Variants in SHLD1 observed in about 807,000 individuals in gnomAD.
SHLD1 encodes the protein RINN1-REV7-interacting novel NHEJ regulator 3.
In SHLD1, 3 loss-of-function variants were observed where a neutral mutation model predicts 5.5. The ratio of observed to expected loss-of-function variants is 0.54; its 90% confidence interval spans 0.25 to 1.40. The LOEUF (loss-of-function observed/expected upper bound fraction) is 1.40. Among genes scored for constraint, SHLD1 ranks in the 40% most tolerant of loss-of-function variants. The pLI is 0.15. For synonymous variants in SHLD1, 92 were observed against 94.3 expected (o/e 0.98, Z 0.14); for missense variants, 210 against 244.4 (o/e 0.86, Z 0.94).
At chr20:5,856,502 A>G (rs550613744) in intron 2 of SHLD1, among the ~76,000 whole-genome samples, 1 of 149,702 alleles carries the variant, frequency 6.7e-6, no homozygotes, top group East Asian at 1.9e-4. Flanking sequence ...GAAAAAAGTG[A>G]GGCGTGGAGC....
rs545881580 is a variant in SHLD1 at position 5,754,577 on chromosome 20, C to T, written c.-5+4098C>T. ...CCGAGCCAAATATGAGTGACCATGG[C>T]CCGTAACACAGCATCAGGAGGTCCT... On this transcript the variant is annotated intron_variant, in intron 1 of 2. Transcript: ENST00000303142. 8.9e-4 allele frequency among the ~76,000 whole-genome samples: 136 copies of T among 152,224 alleles called. 2 individuals are homozygous for T. Among genetic ancestry groups the T allele is most frequent in the Admixed American group, 1.6e-3 (24 of 15,276 alleles).
rs202116453 is a variant in SHLD1 at position 5,764,211 on chromosome 20, G to T, written c.-4-8651G>T. On this transcript the variant is annotated intron_variant, in intron 1 of 2. Transcript: ENST00000303142. ...ATATATTTTATATATATATATATTT[G>T]TGTGTGTGTATATATATATATATAT... 4.4e-3 allele frequency among the ~76,000 whole-genome samples: 106 copies of T among 24,346 alleles called. 1 individual carries two copies. The highest frequency in any genetic ancestry group is 0.015 in the African/African-American group (84 of 5,602). The allele number at this position is 24,346 out of a possible 152,430, so 16.0% of individuals were successfully genotyped here. A position where few individuals can be genotyped will look rare whatever the true frequency, so the allele number is the denominator to read the frequency against.
intron 2 of SHLD1, among the ~76,000 whole-genome samples, chr20:5,798,708 C>T (rs2087248376): frequency 6.6e-6 from 1 of 151,926 alleles, no homozygotes; most frequent in Admixed American, 6.6e-5. Flanking sequence ...AGCTCCGCCT[C>T]CCAGGTTCAC....
At chr20:5,767,067 A>G (rs1225817825) in intron 1 of SHLD1, among the ~76,000 whole-genome samples, 1 of 152,150 alleles carries the variant, frequency 6.6e-6, no homozygotes, top group Non-Finnish European at 1.5e-5. Flanking sequence ...CCAGTCACCG[A>G]AACTGTCTCT....
chr20:5,828,583 C>T (rs1481281389), intron 2 of SHLD1, among the ~76,000 whole-genome samples: 7 of 152,142 alleles, frequency 4.6e-5, no homozygotes, highest in Non-Finnish European at 1.5e-5. Context: ...AACAAATTTC[C>T]TTTTCCTTCT....
intron 2 of SHLD1, among the ~76,000 whole-genome samples, chr20:5,789,188 G>A (rs542476474): frequency 7.8e-4 from 101 of 129,874 alleles, no homozygotes; most frequent in African/African-American, 2.9e-3. Flanking sequence ...TTCTTTATAC[G>A]TTTGCCAATA....
chr20:5,767,254 C>T (rs925209431), intron 1 of SHLD1, among the ~76,000 whole-genome samples: 41 of 152,216 alleles, frequency 2.7e-4, no homozygotes, highest in African/African-American at 9.6e-4. Context: ...CCATCTCAGC[C>T]TCCCGAGTTG....
At chr20:5,795,653 A>G (rs1186804655) in intron 2 of SHLD1, among the ~76,000 whole-genome samples, 4 of 151,470 alleles carry the variant, frequency 2.6e-5, no homozygotes, top group African/African-American at 7.3e-5. Context: ...ATAACTACAC[A>G]GAACAAATAG....
chr20:5,847,529 A>C (rs1376294399), intron 2 of SHLD1, among the ~76,000 whole-genome samples: 2 of 152,232 alleles, frequency 1.3e-5, no homozygotes, highest in East Asian at 3.8e-4. Context: ...TTTTCTGTGT[A>C]ATTCATTTTG....
intron 2 of SHLD1, among the ~76,000 whole-genome samples, chr20:5,857,872 G>A (rs1046946376): frequency 5.3e-5 from 8 of 152,078 alleles, no homozygotes; most frequent in South Asian, 2.1e-4. Flanking sequence ...GGCCAAGGCA[G>A]GTGGATCACG....
chr20:5,857,692 A>G (rs1310376833), intron 2 of SHLD1, among the ~76,000 whole-genome samples: 5 of 151,630 alleles, frequency 3.3e-5, no homozygotes, highest in African/African-American at 1.2e-4. Flanking sequence ...GCACCTGTAG[A>G]CCCAGCTACT....
chr20:5,862,333 G>A (rs2088174110), intron 2 of SHLD1, among the ~76,000 whole-genome samples: 1 of 152,238 alleles, frequency 6.6e-6, no homozygotes, highest in African/African-American at 2.4e-5. Context: ...GAACCCTGAA[G>A]GCTGAGCAGT....
chr20:5,776,895 A>AG (rs1243928329), intron 2 of SHLD1, among the ~76,000 whole-genome samples: 5 of 152,180 alleles, frequency 3.3e-5, no homozygotes, highest in African/African-American at 1.2e-4. Context: ...GTTTTAGGGC[A>AG]CATTAATAGT....
chr20:5,853,936 C>G (rs562677316), intron 2 of SHLD1, among the ~76,000 whole-genome samples: 72 of 151,874 alleles, frequency 4.7e-4, no homozygotes, highest in Non-Finnish European at 7.7e-4. Context: ...ACCTCCTAGC[C>G]TCAAGCAATC....
At chr20:5,765,356 C>T (rs1984770065) in intron 1 of SHLD1, among the ~76,000 whole-genome samples, 1 of 152,168 alleles carries the variant, frequency 6.6e-6, no homozygotes, top group Non-Finnish European at 1.5e-5. Flanking sequence ...AGTGATTCTT[C>T]TGCCTGAGCC....
At chr20:5,798,289 A>T (rs1842883679) in intron 2 of SHLD1, among the ~76,000 whole-genome samples, 1 of 146,170 alleles carries the variant, frequency 6.8e-6, no homozygotes, top group Non-Finnish European at 1.5e-5. Context: ...AAGAGAAGAA[A>T]AGTAGAAACT....
In SHLD1 at chr20:5,844,799, A is replaced by ATT. The variant is rs1161478171; in HGVS notation, c.179-18213_179-18212dup. On this transcript the variant is annotated intron_variant, in intron 2 of 2. Transcript: ENST00000303142. Reference sequence around the variant, plus strand: ...TATATATATATATATATATATATATATTTTTTTTTTTTTGAGACACAGTCT... The same window carrying ATT: ...TATATATATATATATATATATATATATTTTTTTTTTTTTTTGAGACACAGTCT... 3.4e-3 allele frequency among the ~76,000 whole-genome samples: 246 copies of ATT among 71,692 alleles called. 2 individuals are homozygous for ATT. The highest frequency in any genetic ancestry group is 8.9e-3 in the East Asian group (24 of 2,682). The allele number at this position is 71,692 out of a possible 152,430, so 47.0% of individuals were successfully genotyped here.
intron 2 of SHLD1, among the ~76,000 whole-genome samples, chr20:5,826,314 A>T (rs572542509): frequency 2.6e-5 from 4 of 152,144 alleles, no homozygotes; most frequent in African/African-American, 4.8e-5. Flanking sequence ...TATTTATATG[A>T]TTTTTTTATA....
Position 5,789,695 on chromosome 20 carries a change from A to G in SHLD1, c.178+16652A>G, listed in dbSNP as rs569706539. Among the ~76,000 whole-genome samples the G allele has an allele frequency of 1.1e-4, 16 of 152,280 alleles. 1 individual carries two copies. The South Asian group carries it at 3.3e-3, about 32-fold the overall frequency. On this transcript the variant is annotated intron_variant, in intron 2 of 2. Transcript: ENST00000303142. The stretch of plus-strand genomic sequence containing the variant: ...GTTCTTCCCTGCTAAGCAACTATGA[A>G]CCCTGGAAATGCAAGAGGCAACCAA...
Sources: gnomAD v4.1 joint callset for allele counts (sites outside exome capture counted in the v4.1 genomes callset) on GRCh38, gnomAD v4.1.1 for gene constraint, MANE v1.5 for transcripts, NCBI Gene and HGNC (gene_info 2026-07-23, HGNC 2026-07-21) for gene names.